KLHL1: variants seen among roughly 807,000 people sequenced by gnomAD.
The protein encoded by KLHL1 is kelch-like protein 1.
A neutral mutation model predicts 77.7 loss-of-function variants in KLHL1; 47 were observed. The ratio of observed to expected loss-of-function variants is 0.60; its 90% CI spans 0.48 to 0.77. The LOEUF is 0.77. KLHL1 is among the 30% of genes least tolerant of loss of function. KLHL1 has a pLI of 0.00. For missense variants in KLHL1, 925 were observed against 910.8 expected, an observed-to-expected ratio of 1.02 and a Z score of -0.20; for synonymous variants, 360 against 325.2, an observed-to-expected ratio of 1.11 and a Z score of -1.15.
chr13:69,902,507 C>T (rs1881901649), intron 4 of KLHL1, among the ~76,000 whole-genome samples: 1 of 152,218 alleles, frequency 6.6e-6, no homozygotes, highest in South Asian at 2.1e-4. Flanking sequence ...TGGAGAACTA[C>T]AGTACTGAAA....
At chr13:69,882,631 A>T in intron 4 of KLHL1, 136 bp from the exon 5 acceptor site, 1 of 628,936 alleles carries the variant, frequency 1.6e-6, no homozygotes. Context: ...TCCTTCAGAA[A>T]CTAGAGGCTG....
At chr13:69,989,472 A>G (rs551220984) in intron 1 of KLHL1, among the ~76,000 whole-genome samples, 11 of 151,788 alleles carry the variant, frequency 7.2e-5, no homozygotes, top group Middle Eastern at 3.2e-3. Context: ...TGAATTTGAG[A>G]ATTAGTTTTT....
chr13:70,025,221 T>A (rs1885910840), intron 1 of KLHL1, among the ~76,000 whole-genome samples: 2 of 152,028 alleles, frequency 1.3e-5, no homozygotes, highest in Admixed American at 1.3e-4. Context: ...GGTAAATAAA[T>A]GTTTTCAATG....
intron 1 of KLHL1, among the ~76,000 whole-genome samples, chr13:70,079,343 C>T (rs1887338542): frequency 6.6e-6 from 1 of 152,144 alleles, no homozygotes; most frequent in African/African-American, 2.4e-5. Context: ...GTTCAAAGTT[C>T]CCCAGGTAAT....
chr13:69,784,739 G>A (rs1358059047), intron 7 of KLHL1, among the ~76,000 whole-genome samples: 1 of 151,682 alleles, frequency 6.6e-6, no homozygotes, highest in Non-Finnish European at 1.5e-5. Flanking sequence ...AATAATGGGA[G>A]ACTTTAACAC....
intron 1 of KLHL1, among the ~76,000 whole-genome samples, chr13:70,001,588 TATC>T (rs1885289708): frequency 6.7e-6 from 1 of 150,228 alleles, no homozygotes; most frequent in Non-Finnish European, 1.5e-5. Context: ...TGTGTCTATC[TATC>T]TATCTATCTA....
chr13:70,002,347 G>T (rs1336903094), intron 1 of KLHL1, among the ~76,000 whole-genome samples: 1 of 151,530 alleles, frequency 6.6e-6, no homozygotes, highest in East Asian at 1.9e-4. Context: ...TGTATGAATA[G>T]ATTAGGAAAA....
At chr13:70,016,944 C>T (rs945810662) in intron 1 of KLHL1, among the ~76,000 whole-genome samples, 2 of 152,126 alleles carry the variant, frequency 1.3e-5, no homozygotes, top group African/African-American at 4.8e-5. Context: ...GACCTGGGGG[C>T]CACCTGCCTG....
intron 7 of KLHL1, among the ~76,000 whole-genome samples, chr13:69,795,077 T>G (rs1047964625): frequency 4.6e-5 from 7 of 152,154 alleles, no homozygotes; most frequent in Admixed American, 4.6e-4. Context: ...CATAAAGGAA[T>G]AAGACTGATT....
At chr13:69,715,534 T>A (rs1052343765) in intron 9 of KLHL1, among the ~76,000 whole-genome samples, 47 of 152,050 alleles carry the variant, frequency 3.1e-4, no homozygotes, top group Non-Finnish European at 6.2e-4. Context: ...TATTTTTTTT[T>A]TTTTGAGACG....
At chr13:69,833,746 G>GGT (rs553112924) in intron 6 of KLHL1, among the ~76,000 whole-genome samples, 46 of 27,534 alleles carry the variant, frequency 1.7e-3, no homozygotes, top group Non-Finnish European at 5.5e-3. Context: ...AAGAAATAAT[G>GGT]GTATATATAT....
At chr13:69,896,649 C>T (rs1435533544) in intron 4 of KLHL1, among the ~76,000 whole-genome samples, 5 of 151,488 alleles carry the variant, frequency 3.3e-5, no homozygotes, top group African/African-American at 1.2e-4. Flanking sequence ...AAAGGGATGG[C>T]TTTACCGTCA....
chr13:69,984,960 A>T (rs1185604982), intron 1 of KLHL1, among the ~76,000 whole-genome samples: 1 of 152,060 alleles, frequency 6.6e-6, no homozygotes, highest in Non-Finnish European at 1.5e-5. Flanking sequence ...AAAATAGAAA[A>T]ATTAGCCAGG....
intron 6 of KLHL1, among the ~76,000 whole-genome samples, chr13:69,802,026 C>A (rs1877405642): frequency 6.6e-6 from 1 of 152,072 alleles, no homozygotes; most frequent in Non-Finnish European, 1.5e-5. Context: ...GCCCCCCTAC[C>A]CCCTGACAGG....
rs552352919 is a variant in KLHL1 at position 69,835,476 on chromosome 13, G to C, written c.1414+3500C>G. ...ATAAGATCTGGAGCATCTGCCTTGG[G>C]CCAAACACAAGGCGGGAGAACAAGG... On this transcript the variant is annotated intron_variant, in intron 6 of 10. Transcript: ENST00000377844. Among the ~76,000 whole-genome samples, 6 of 152,174 alleles carry C rather than the reference G, an allele frequency of 3.9e-5. No homozygotes were observed. The South Asian group carries it at 8.3e-4, about 21-fold the overall frequency.
chr13:70,059,527 G>T (rs140409642), intron 1 of KLHL1, among the ~76,000 whole-genome samples: 1 of 152,260 alleles, frequency 6.6e-6, no homozygotes, highest in East Asian at 1.9e-4. Context: ...CAAAAATGGA[G>T]AAATGGGATC....
chr13:69,957,271 C>T (rs1883919832), intron 3 of KLHL1, among the ~76,000 whole-genome samples: 1 of 151,708 alleles, frequency 6.6e-6, no homozygotes, highest in Non-Finnish European at 1.5e-5. Flanking sequence ...ATAGATTTTA[C>T]TACTTTTAAA....
At chr13:70,059,330 T>C (rs1314944933) in intron 1 of KLHL1, among the ~76,000 whole-genome samples, 2 of 152,146 alleles carry the variant, frequency 1.3e-5, no homozygotes, top group South Asian at 2.1e-4. Context: ...GCTAATTGTT[T>C]TTGGTTTTTT....
At chr13:69,809,895 A>G (rs1018919035) in intron 6 of KLHL1, among the ~76,000 whole-genome samples, 3 of 152,042 alleles carry the variant, frequency 2.0e-5, no homozygotes, top group Non-Finnish European at 4.4e-5. Context: ...AAGCAGGATC[A>G]CTATTCGTTT....
Sources: allele counts gnomAD v4.1 joint callset (sites outside exome capture counted in the v4.1 genomes callset), GRCh38; gene constraint gnomAD v4.1.1; transcripts MANE v1.5; gene names NCBI Gene and HGNC (gene_info 2026-07-23, HGNC 2026-07-21).